The following TUBG2 variants were observed in gnomAD, a reference collection of about 807,000 sequenced individuals.
TUBG2 encodes tubulin gamma 2, also known as tubulin gamma-2 chain.
A neutral mutation model predicts 55.1 loss-of-function variants in TUBG2; 39 were observed. The observed-to-expected ratio is 0.71, with a 90% CI of 0.55 to 0.93. The LOEUF (loss-of-function observed/expected upper bound fraction) is 0.93, where lower values mean the gene tolerates loss of function less well. Ranked by LOEUF, TUBG2 falls within the 40% of genes least tolerant of loss-of-function variation. The pLI is 0.00. For synonymous variants in TUBG2, 223 were observed against 241.0 expected (o/e 0.93, Z 0.69); for missense variants, 358 against 599.1 (o/e 0.60, Z 4.20).
chr17:42,661,030 G>A (rs972578558), intron 4 of TUBG2: 2 of 299,922 alleles, frequency 6.7e-6, no homozygotes, highest in East Asian at 6.8e-5. Context: ...GAACCAAGCC[G>A]AAGTCTCTCC....
intron 6 of TUBG2, among the ~76,000 whole-genome samples, chr17:42,665,203 A>T (rs892939438): frequency 1.3e-5 from 2 of 151,952 alleles, no homozygotes; most frequent in Non-Finnish European, 2.9e-5. Context: ...GCCCGCCAAC[A>T]TGCCTGGCTA....
Position 42,659,417 on chromosome 17 carries a change from C to T in TUBG2, c.-87C>T, listed in dbSNP as rs577461172. ...AAGAGGCGAAGAGAGCGCGCGCTCCCCACGTCCTGCGCTCCTGGCTGCCGG... is the reference window on the plus strand; with the variant it reads ...AAGAGGCGAAGAGAGCGCGCGCTCCTCACGTCCTGCGCTCCTGGCTGCCGG... On this transcript the variant is annotated 5_prime_UTR_variant, in exon 1 of 11. Coordinates refer to ENST00000251412, the MANE Select transcript of TUBG2 (RefSeq NM_016437.3). 32 of 1,410,218 alleles carry T rather than the reference C, an allele frequency of 2.3e-5. No individual in the cohort carries two copies. The African/African-American group carries it at 3.9e-4, about 17-fold the overall frequency. The allele number at this position is 1,410,218 out of a possible 1,614,324, so 87.4% of individuals were successfully genotyped here.
intron 6 of TUBG2, 116 bp downstream of exon 6, chr17:42,663,619 G>A: frequency 7.6e-7 from 1 of 1,321,540 alleles, no homozygotes; most frequent in Non-Finnish European, 1.0e-6. Context: ...ACTAGCCTGG[G>A]CAACATGTGA....
rs776919802 is a variant in TUBG2, at chr17:42,662,967, A to T, written c.400-6A>T. On this transcript the variant is annotated splice_polypyrimidine_tract_variant and splice_region_variant and intron_variant, in intron 4 of 10. Coordinates refer to ENST00000251412, the MANE Select transcript of TUBG2 (RefSeq NM_016437.3). The stretch of plus-strand genomic sequence containing the variant: ...ACTGAGTCTGTTTATTCCTGTATAC[A>T]CACAGGGCTTCGTGCTGTGTCACTC... 2.5e-6 allele frequency: 4 copies of T among 1,613,744 alleles called. No homozygotes were observed. Among genetic ancestry groups the T allele is most frequent in the Admixed American group, 1.7e-5 (1 of 59,934 alleles).
At chr17:42,665,943 C>T in intron 8 of TUBG2, 116 bp downstream of exon 8, 5 of 1,587,054 alleles carry the variant, frequency 3.2e-6, no homozygotes, top group Middle Eastern at 1.7e-4. Context: ...CCCCAAGGCA[C>T]TGCGCTCAGG....
chr17:42,659,347 G>A lies in TUBG2; in HGVS notation c.-157G>A, dbSNP rs1260261792. The A allele has an allele frequency of 5.7e-6, 4 of 705,858 alleles. No individual in the cohort carries two copies. The highest frequency in any genetic ancestry group is 3.8e-5 in the African/African-American group (2 of 52,790). The allele number at this position is 705,858 out of a possible 1,614,324, so 43.7% of individuals were successfully genotyped here. ...GGTTGGGCTCCCCGGCCCACCGGCCGAGGAGAGGCCTGCGCTGCACACGCG... is the reference window on the plus strand; with the variant it reads ...GGTTGGGCTCCCCGGCCCACCGGCCAAGGAGAGGCCTGCGCTGCACACGCG... On this transcript the variant is annotated 5_prime_UTR_variant, in exon 1 of 11. Transcript: ENST00000251412.
In TUBG2 at chr17:42,660,203, G is replaced by A; in HGVS notation, c.217G>A (p.Val73Met). The A allele has an allele frequency of 6.2e-7, 1 of 1,612,050 alleles. No homozygotes were observed. The highest frequency in any genetic ancestry group is 8.5e-7 in the Non-Finnish European group (1 of 1,179,010). ...CGTGCTGCTGGACTTGGAACCCCGGGTGATCCACTCCATCCTCAACTCCCC... is the reference window on the plus strand; with the variant it reads ...CGTGCTGCTGGACTTGGAACCCCGGATGATCCACTCCATCCTCAACTCCCC... Reference protein sequence around the residue: ...RAVLLDLEPRVIHSILNSPYA... With the variant: ...RAVLLDLEPRMIHSILNSPYA... Residue 73 changes from valine (V) to methionine (M), a missense_variant, in exon 3 of 11, where the codon GTG becomes ATG. Val to Met is a conservative substitution (Grantham distance 21). Coordinates refer to ENST00000251412, the MANE Select transcript of TUBG2 (RefSeq NM_016437.3).
intron 6 of TUBG2, 100 bp from the exon 7 acceptor site, chr17:42,665,376 C>G (rs1377031025): frequency 1.9e-6 from 3 of 1,580,032 alleles, no homozygotes; most frequent in African/African-American, 1.4e-5. Context: ...AACTAACAAA[C>G]CTACTTCCTG....
chr17:42,663,597 C>T (rs758852987), intron 6 of TUBG2, 94 bp downstream of exon 6: 32 of 1,503,834 alleles, frequency 2.1e-5, no homozygotes, highest in African/African-American at 7.0e-5. Flanking sequence ...TGCTTGAGCT[C>T]AGGAGTTCAA....
chr17:42,666,882 T>G lies in TUBG2; in HGVS notation c.*82T>G. The G allele has an allele frequency of 6.8e-7, 1 of 1,480,404 alleles. No homozygotes were observed. The highest frequency in any genetic ancestry group is 2.3e-5 in the East Asian group (1 of 43,180). 91.7% of individuals were successfully genotyped at this position (1,480,404 alleles called of 1,614,324 possible). On this transcript the variant is annotated 3_prime_UTR_variant, in exon 11 of 11. Transcript: ENST00000251412. The stretch of plus-strand genomic sequence containing the variant: ...CTGCTCCCTCTGACCCAGCTTCACC[T>G]CATGGACAACCCTTCTTGGTTCATC...
intron 8 of TUBG2, 117 bp from the exon 9 acceptor site, chr17:42,665,970 G>A: frequency 6.3e-7 from 1 of 1,590,976 alleles, no homozygotes; most frequent in Non-Finnish European, 8.6e-7. Flanking sequence ...CACAGAGCGG[G>A]CGACTTTCTT....
At chr17:42,665,398 C>A in intron 6 of TUBG2, 78 bp from the exon 7 acceptor site, 4 of 1,603,452 alleles carry the variant, frequency 2.5e-6, no homozygotes, top group Non-Finnish European at 3.4e-6. Context: ...CTTTGGAGTT[C>A]AGCAGGGGCT....
intron 6 of TUBG2, among the ~76,000 whole-genome samples, chr17:42,664,342 C>T (rs1306344877): frequency 1.3e-5 from 2 of 151,808 alleles, no homozygotes; most frequent in South Asian, 2.1e-4. Context: ...CTCATTCACC[C>T]CACCTTTCCT....
At position 42,666,943 on chromosome 17, in the gene TUBG2, A is replaced by G. The variant is rs1045153708; in HGVS notation, c.*143A>G. The stretch of plus-strand genomic sequence containing the variant: ...GAGCTGGTCCTGCTTCCTCCCTTCC[A>G]TGCCCTAACTTTTAATATGCTTGTT... On this transcript the variant is annotated 3_prime_UTR_variant, in exon 11 of 11. Transcript: ENST00000251412. 5 of 785,666 alleles carry G rather than the reference A, an allele frequency of 6.4e-6. No homozygotes were observed. Among genetic ancestry groups the G allele is most frequent in the African/African-American group, 3.5e-5 (2 of 57,450 alleles). The allele number at this position is 785,666 out of a possible 1,614,324, so 48.7% of individuals were successfully genotyped here.
At chr17:42,661,009 G>C (rs1186390601) in intron 4 of TUBG2, 1 of 332,810 alleles carries the variant, frequency 3.0e-6, no homozygotes, top group Non-Finnish European at 5.8e-6. Flanking sequence ...GGCGTTTTGG[G>C]AATGGAGAAT....
At position 42,666,416 on chromosome 17, in the gene TUBG2, T is replaced by C; in HGVS notation, c.1090T>C (p.Ser364Pro). 1.9e-6 allele frequency: 3 copies of C among 1,614,110 alleles called. No individual in the cohort carries two copies. Among genetic ancestry groups the C allele is most frequent in the Non-Finnish European group, 2.5e-6 (3 of 1,179,988 alleles). ...CATCCAGGTGGCCCTGTCGAGGAAGTCTCCCTACCTGCCCTCGGCCCACCG... is the reference window on the plus strand; with the variant it reads ...CATCCAGGTGGCCCTGTCGAGGAAGCCTCCCTACCTGCCCTCGGCCCACCG... ...ASIQVALSRK[S>P]PYLPSAHRVS... The change falls in exon 10 of 11, where the codon TCT becomes CCT. Residue 364 changes from serine (S) to proline (P), a missense_variant. Around this residue, in one of 8 missense-constraint regions of TUBG2, gnomAD observed 129 missense variants for 251.6 expected, o/e 0.51. Coordinates refer to ENST00000251412, the MANE Select transcript of TUBG2 (RefSeq NM_016437.3).
rs371969001 is a variant in TUBG2 at position 42,659,563 on chromosome 17, G to A, written c.49+11G>A. 1.2e-5 allele frequency: 18 copies of A among 1,530,300 alleles called. No individual in the cohort carries two copies. The African/African-American group carries it at 2.3e-4, about 20-fold the overall frequency. 94.8% of individuals were successfully genotyped at this position (1,530,300 alleles called of 1,614,324 possible). ...AGTGCGGCAACCAGAGTGAGCAAGC[G>A]AGCGCCGGCCCCGCCGGTCTCTGGT... On this transcript the variant is annotated intron_variant, in intron 1 of 10. Transcript: ENST00000251412.
Position 42,663,483 on chromosome 17 carries a change from A to G in TUBG2, c.586A>G (p.Thr196Ala). The change falls in exon 6 of 11, where the codon ACG becomes GCG. Residue 196 changes from threonine to alanine, a missense_variant. Coordinates refer to ENST00000251412, the MANE Select transcript of TUBG2 (RefSeq NM_016437.3). ...TTCACTCCTGACACTCAAGAGGCTGACGCAGAACGCAGATTGTGTGGTGAG... is the reference window on the plus strand; with the variant it reads ...TTCACTCCTGACACTCAAGAGGCTGGCGCAGAACGCAGATTGTGTGGTGAG... ...YNSLLTLKRL[T>A]QNADCVVVLD... 6.2e-7 allele frequency: 1 copy of G among 1,614,080 alleles called. No individual in the cohort carries two copies. Among genetic ancestry groups the G allele is most frequent in the Non-Finnish European group, 8.5e-7 (1 of 1,179,948 alleles).
rs764412798 is a variant in TUBG2, at chr17:42,662,996, C to T, written c.423C>T (p.Ile141=). 23 of 1,614,080 alleles carry T rather than the reference C, an allele frequency of 1.4e-5. No individual in the cohort carries two copies. Among genetic ancestry groups the T allele is most frequent in the South Asian group, 1.3e-4 (12 of 91,078 alleles). Reference sequence around the variant, plus strand: ...AGGGCTTCGTGCTGTGTCACTCCATCGCTGGGGGTACGGGTTCTGGCCTGG... The same window carrying T: ...AGGGCTTCGTGCTGTGTCACTCCATTGCTGGGGGTACGGGTTCTGGCCTGG... ...SLEGFVLCHS[I]AGGTGSGLGS... is the part of the protein sequence containing the mutation. The change falls in exon 5 of 11, where the codon ATC becomes ATT. Residue 141 remains isoleucine (I), a synonymous_variant. Transcript: ENST00000251412.
Sources: allele counts gnomAD v4.1 joint callset (sites outside exome capture counted in the v4.1 genomes callset), GRCh38; gene constraint gnomAD v4.1.1; regional missense constraint gnomAD v4.1.1; transcripts MANE v1.5; gene names NCBI Gene and HGNC (gene_info 2026-07-23, HGNC 2026-07-21).